SLC44A2: variants seen among roughly 807,000 people sequenced by gnomAD.
The protein encoded by SLC44A2 is solute carrier family 44 member 2 (CTL2 blood group).
A neutral mutation model predicts 90.8 loss-of-function variants in SLC44A2; 57 were observed. The ratio of observed to expected loss-of-function variants is 0.63; its 90% CI spans 0.51 to 0.78. The LOEUF is 0.78. Ranked by LOEUF, SLC44A2 falls within the 30% of genes least tolerant of loss-of-function variation. The pLI is 0.00. For synonymous variants in SLC44A2, 355 were observed against 360.7 expected (o/e 0.98, Z 0.18); for missense variants, 794 against 919.7 (o/e 0.86, Z 1.77).
chr19:10,624,710 C>T (rs1404003450), upstream of SLC44A2, among the ~76,000 whole-genome samples: 1 of 152,204 alleles, frequency 6.6e-6, no homozygotes, highest in Non-Finnish European at 1.5e-5. Context: ...TCAGAGGGTG[C>T]AGAAGGAGCA....
chr19:10,611,807 A>G (rs939275860), intron 1 of SLC44A2, among the ~76,000 whole-genome samples: 8 of 152,026 alleles, frequency 5.3e-5, no homozygotes, highest in African/African-American at 1.9e-4. Flanking sequence ...AGGTAACAGA[A>G]TGAGACCCCA....
chr19:10,639,327 T>C (rs995318430), intron 20 of SLC44A2, among the ~76,000 whole-genome samples: 2 of 152,312 alleles, frequency 1.3e-5, no homozygotes, highest in South Asian at 2.1e-4. Flanking sequence ...GGTAAACAGA[T>C]ACTCCTCCAT....
At chr19:10,634,591 G>A (rs2067033384) in intron 10 of SLC44A2, among the ~76,000 whole-genome samples, 165 bp from the exon 11 acceptor site, 1 of 152,134 alleles carries the variant, frequency 6.6e-6, no homozygotes, top group African/African-American at 2.4e-5. Flanking sequence ...AGGATGTGTG[G>A]GATCCAGCCA....
intron 2 of SLC44A2, among the ~76,000 whole-genome samples, chr19:10,627,010 C>CA (rs907755265): frequency 2.5e-4 from 37 of 145,456 alleles, no homozygotes; most frequent in African/African-American, 8.1e-4. Context: ...GACTCTGTCT[C>CA]AAAAAAAAAT....
At chr19:10,633,603 G>A (rs945145572) in intron 10 of SLC44A2, among the ~76,000 whole-genome samples, 2 of 152,046 alleles carry the variant, frequency 1.3e-5, no homozygotes, top group Non-Finnish European at 2.9e-5. Context: ...CCACAGGCAA[G>A]CACCATCATG....
chr19:10,634,675 C>T, intron 10 of SLC44A2, 81 bp from the exon 11 acceptor site: 1 of 1,597,964 alleles, frequency 6.3e-7, no homozygotes, highest in South Asian at 1.1e-5. Context: ...ATGTTTGCTT[C>T]TGTTAAATGG....
At position 10,625,553 on chromosome 19, in the gene SLC44A2, A is replaced by G. The variant is rs1298605851; in HGVS notation, c.-81A>G. The G allele has an allele frequency of 8.1e-6, 10 of 1,230,572 alleles. No individual in the cohort carries two copies. In the Admixed American group the frequency reaches 3.4e-4, roughly 42 times the overall value. 76.2% of individuals were successfully genotyped at this position (1,230,572 alleles called of 1,614,324 possible). On this transcript the variant is annotated 5_prime_UTR_variant, in exon 1 of 22. Coordinates refer to ENST00000335757, the MANE Select transcript of SLC44A2 (RefSeq NM_020428.4). Reference sequence around the variant, plus strand: ...AGGAGCCGCCGCCAGTCGCGCGGTCAGTGCCTCCCTCCAGACTCGGGAGGG... The same window carrying G: ...AGGAGCCGCCGCCAGTCGCGCGGTCGGTGCCTCCCTCCAGACTCGGGAGGG...
At chr19:10,610,932 G>GC (rs1918283433) in intron 1 of SLC44A2, among the ~76,000 whole-genome samples, 1 of 151,442 alleles carries the variant, frequency 6.6e-6, no homozygotes, top group Non-Finnish European at 1.5e-5. Flanking sequence ...GAGCCACCGC[G>GC]CCCCGCCAAG....
rs138987068 is a variant in SLC44A2 at position 10,636,360 on chromosome 19, A to G, written c.1271A>G (p.Asn424Ser). The G allele has an allele frequency of 1.9e-5, 31 of 1,612,908 alleles. No individual in the cohort carries two copies. The highest frequency in any genetic ancestry group is 2.4e-5 in the Non-Finnish European group (28 of 1,179,698). ...TCCAATGAGTCCCGCCAATGCCCCA[A>G]TGCCCGTTGCCAGTTCGCCTTCTAC... is the stretch of plus-strand genomic sequence containing the variant. ...PSSNESRQCP[N>S]ARCQFAFYGG... Residue 424 changes from asparagine to serine, a missense_variant, in exon 15 of 22, where the codon AAT (asparagine) becomes AGT (serine). Coordinates refer to ENST00000335757, the MANE Select transcript of SLC44A2 (RefSeq NM_020428.4).
In SLC44A2 at chr19:10,637,694, T is replaced by A. The variant is rs560744975; in HGVS notation, c.1642T>A (p.Phe548Ile). The change falls in exon 17 of 22, where the codon TTC becomes ATC. Residue 548 changes from phenylalanine to isoleucine, a missense_variant. This residue lies in a region of SLC44A2 where 738 missense variants were observed against 841.1 expected (regional missense o/e 0.88). Coordinates refer to ENST00000335757, the MANE Select transcript of SLC44A2 (RefSeq NM_020428.4). ...KCLMTCLKCC[F>I]WCLEKFIKFL... ...CCTCATGACCTGTCTCAAATGCTGC[T>A]TCTGGTGCCTGGAGAAGTTCATCAA... 1 of 1,614,158 alleles carries A rather than the reference T, an allele frequency of 6.2e-7. No homozygotes were observed. Among genetic ancestry groups the A allele is most frequent in the South Asian group, 1.1e-5 (1 of 91,080 alleles).
Position 10,629,560 on chromosome 19 carries a change from G to C in SLC44A2, c.246-1497G>C, listed in dbSNP as rs544127087. Among the ~76,000 whole-genome samples, 146 of 151,364 alleles carry C rather than the reference G, an allele frequency of 9.6e-4. 5 individuals carry two copies. The South Asian group carries it at 0.03, about 31-fold the overall frequency. ...CCCAAACTGCTGGTATTACGGGTGT[G>C]AGCCACCACACCCGGCCTATTATTA... On this transcript the variant is annotated intron_variant, in intron 4 of 21. Transcript: ENST00000335757.
intron 1 of SLC44A2, among the ~76,000 whole-genome samples, chr19:10,611,918 C>T (rs1324156966): frequency 6.6e-6 from 1 of 152,302 alleles, no homozygotes; most frequent in African/African-American, 2.4e-5. Context: ...AGTAAGTCCT[C>T]AAGTCCATGG....
In SLC44A2 at chr19:10,643,996, A is replaced by T. The variant is rs1011076044; in HGVS notation, c.*611A>T. The T allele has an allele frequency of 1.3e-5, 2 of 152,072 alleles. No individual in the cohort carries two copies. The highest frequency in any genetic ancestry group is 4.9e-5 in the African/African-American group (2 of 41,176). 9.4% of individuals were successfully genotyped at this position (152,072 alleles called of 1,614,324 possible). On this transcript the variant is annotated 3_prime_UTR_variant, in exon 22 of 22. Transcript: ENST00000335757. ...CTCCTAGCTGGGAGTGACGGGTGGG[A>T]GTGTGTGTGCCCAGGTGGGGGTGTC...
chr19:10,613,199 A>G (rs756642275), intron 1 of SLC44A2, among the ~76,000 whole-genome samples: 2 of 151,792 alleles, frequency 1.3e-5, no homozygotes, highest in Admixed American at 6.6e-5. Context: ...CTGGGACCAC[A>G]GGCATGCACC....
Position 10,631,890 on chromosome 19 carries a change from G to T in SLC44A2, c.649G>T (p.Ala217Ser), listed in dbSNP as rs889184401. The change falls in exon 9 of 22, where the codon GCG becomes TCG. Residue 217 changes from alanine to serine, a missense_variant. By Grantham distance (99) the Ala-to-Ser change is moderately conservative. Coordinates refer to ENST00000335757, the MANE Select transcript of SLC44A2 (RefSeq NM_020428.4). The part of the protein sequence containing the change: ...GAKKANGVLE[A>S]RQLAMRIFED... ...CAGGAAAGCCAATGGAGTCCTAGAG[G>T]CGCGGCAACTCGCCATGCGCATATT... 5 of 1,614,132 alleles carry T rather than the reference G, an allele frequency of 3.1e-6. No homozygotes were observed. The Admixed American group carries it at 6.7e-5, about 22-fold the overall frequency.
At position 10,627,923 on chromosome 19, in the gene SLC44A2, G is replaced by T; in HGVS notation, c.164G>T (p.Trp55Leu). Residue 55 changes from tryptophan to leucine, a missense_variant, in exon 4 of 22, where the codon TGG (tryptophan) becomes TTG (leucine). Trp to Leu is a moderately conservative substitution (Grantham distance 61, BLOSUM62 -2). Transcript: ENST00000335757. The stretch of plus-strand genomic sequence containing the variant: ...GTATCCCTGGATCTTTCCACAGCCT[G>T]GACTCATGGAGACCCTCGAAAGGTG... ...VGYVAVGIIA[W>L]THGDPRKVIY... The T allele has an allele frequency of 6.2e-7, 1 of 1,613,978 alleles. No individual in the cohort carries two copies. The highest frequency in any genetic ancestry group is 1.3e-5 in the African/African-American group (1 of 75,026).
Position 10,627,904 on chromosome 19 carries a change from C to G in SLC44A2, c.161-16C>G, listed in dbSNP as rs1410574447. On this transcript the variant is annotated splice_polypyrimidine_tract_variant and intron_variant, in intron 3 of 21. Coordinates refer to ENST00000335757, the MANE Select transcript of SLC44A2 (RefSeq NM_020428.4). ...GAGGAGTGGCAGTGTCTCAGTATCC[C>G]TGGATCTTTCCACAGCCTGGACTCA... 1.2e-6 allele frequency: 2 copies of G among 1,613,734 alleles called. No individual in the cohort carries two copies. Among genetic ancestry groups the G allele is most frequent in the Admixed American group, 1.7e-5 (1 of 59,968 alleles).
At chr19:10,640,774 G>C (rs1338400231) in intron 20 of SLC44A2, among the ~76,000 whole-genome samples, 1 of 152,018 alleles carries the variant, frequency 6.6e-6, no homozygotes, top group Non-Finnish European at 1.5e-5. Flanking sequence ...GGGGTGCCCA[G>C]TGCTAGGAGG....
chr19:10,622,949 C>T (rs1364800444), upstream of SLC44A2, among the ~76,000 whole-genome samples: 1 of 152,132 alleles, frequency 6.6e-6, no homozygotes, highest in African/African-American at 2.4e-5. Flanking sequence ...GAGATGCTCA[C>T]GTGTGTTGGG....
Sources: gnomAD v4.1 joint callset for allele counts (sites outside exome capture counted in the v4.1 genomes callset) on GRCh38, gnomAD v4.1.1 for gene constraint, gnomAD v4.1.1 regional missense constraint, MANE v1.5 for transcripts, NCBI Gene and HGNC (gene_info 2026-07-23, HGNC 2026-07-21) for gene names.